Variants in FBLIM1 observed in about 807,000 individuals in gnomAD.
The protein encoded by FBLIM1 is filamin-binding LIM protein 1.
FBLIM1 carries 29 observed loss-of-function variants against 37.4 expected under a neutral mutation model. The observed-to-expected ratio is 0.77, with a 90% CI of 0.58 to 1.06. The LOEUF is 1.06. Among genes scored for constraint, FBLIM1 ranks in the 50% least tolerant of loss-of-function variants. The probability of loss-of-function intolerance (pLI) is 0.00; values close to 1 mark genes in which losing one functional copy is unlikely to be tolerated. For synonymous variants in FBLIM1, 193 were observed against 199.0 expected (o/e 0.97, Z 0.25); for missense variants, 449 against 505.6 (o/e 0.89, Z 1.07).
chr1:15,784,916 T>A lies in FBLIM1; in HGVS notation c.*255T>A, dbSNP rs948599137. ...GAATTCCCTGCTGACCCTGCCCCAC[T>A]TCCAGGGAAAAGCTGGGGGAGGTTG... On this transcript the variant is annotated 3_prime_UTR_variant, in exon 9 of 9. Transcript: ENST00000375766. The A allele has an allele frequency of 8.1e-6, 3 of 368,994 alleles. No homozygotes were observed. The highest frequency in any genetic ancestry group is 1.5e-5 in the Non-Finnish European group (3 of 201,944). The allele number at this position is 368,994 out of a possible 1,614,324, so 22.9% of individuals were successfully genotyped here. A position where few individuals can be genotyped will look rare whatever the true frequency, so the allele number is the denominator to read the frequency against.
intron 5 of FBLIM1, among the ~76,000 whole-genome samples, chr1:15,769,198 T>C (rs2069079999): frequency 6.6e-6 from 1 of 152,206 alleles, no homozygotes. Flanking sequence ...GGCTCCTGGC[T>C]GAGCGTGGTG....
At chr1:15,783,868 C>T (rs1269986114) in intron 8 of FBLIM1, among the ~76,000 whole-genome samples, 2 of 152,146 alleles carry the variant, frequency 1.3e-5, no homozygotes, top group Non-Finnish European at 2.9e-5. Flanking sequence ...AGGCGTGAAC[C>T]ACCGCGCCCG....
chr1:15,764,805 C>T, intron 2 of FBLIM1, 120 bp downstream of exon 2: 1 of 904,690 alleles, frequency 1.1e-6, no homozygotes, highest in Non-Finnish European at 1.7e-6. Context: ...AGCAGGACAC[C>T]CCCACCCCTT....
At chr1:15,784,519 C>A in intron 8 of FBLIM1, 29 bp from the exon 9 acceptor site, 1 of 1,590,462 alleles carries the variant, frequency 6.3e-7, no homozygotes, top group Non-Finnish European at 8.6e-7. Flanking sequence ...AGGCCCAGGG[C>A]GGGTCAGCAT....
At chr1:15,773,564 C>T (rs1331156677) in intron 6 of FBLIM1, among the ~76,000 whole-genome samples, 6 of 151,438 alleles carry the variant, frequency 4.0e-5, no homozygotes, top group African/African-American at 1.5e-4. Context: ...CCTGTAATCC[C>T]ACCTACTCGG....
chr1:15,782,347 G>A (rs1569879286), intron 8 of FBLIM1, among the ~76,000 whole-genome samples: 1 of 151,398 alleles, frequency 6.6e-6, no homozygotes, highest in Non-Finnish European at 1.5e-5. Context: ...GGTGGAGGCT[G>A]CAGTGAGCCA....
At chr1:15,761,091 G>A (rs931382155) in intron 1 of FBLIM1, among the ~76,000 whole-genome samples, 24 of 152,118 alleles carry the variant, frequency 1.6e-4, no homozygotes, top group African/African-American at 5.1e-4. Context: ...AGGCAGATCC[G>A]ACTTCCCGGA....
intron 7 of FBLIM1, among the ~76,000 whole-genome samples, chr1:15,776,420 A>G (rs1332407756): frequency 6.6e-6 from 1 of 152,064 alleles, no homozygotes; most frequent in Non-Finnish European, 1.5e-5. Flanking sequence ...CAAGGACCTG[A>G]CTTTGGGGCC....
In FBLIM1 at chr1:15,784,599, C is replaced by T. The variant is rs1177140154; in HGVS notation, c.1060C>T (p.Leu354=). Residue 354 remains leucine (L), a synonymous_variant, in exon 9 of 9, where the codon CTG becomes TTG. Coordinates refer to ENST00000375766, the MANE Select transcript of FBLIM1 (RefSeq NM_017556.4). ...GCCCACGGACCAAGGCTGCTACCCC[C>T]TGAACAACCATCTCTTCTGCAAGCC... The part of the protein sequence containing the change: ...VEPTDQGCYP[L]NNHLFCKPCH... 1 of 1,614,170 alleles carries T rather than the reference C, an allele frequency of 6.2e-7. No individual in the cohort carries two copies. Among genetic ancestry groups the T allele is most frequent in the Non-Finnish European group, 8.5e-7 (1 of 1,180,002 alleles).
chr1:15,765,378 G>C lies in FBLIM1; in HGVS notation c.250+145G>C, dbSNP rs2068866859. ...GGAAACAAAAAGATGTGCCCCTTCT[G>C]GGTGGGCAAGGGAGCCCGGGAAATA... On this transcript the variant is annotated intron_variant, in intron 3 of 8. Coordinates refer to ENST00000375766, the MANE Select transcript of FBLIM1 (RefSeq NM_017556.4). This position sits in a 1 kb window ranked among gnomAD's most constrained non-coding sequence, Gnocchi z 5.9. 1 of 1,149,496 alleles carries C rather than the reference G, an allele frequency of 8.7e-7. No homozygotes were observed. The highest frequency in any genetic ancestry group is 1.2e-6 in the Non-Finnish European group (1 of 833,152). 71.2% of individuals were successfully genotyped at this position (1,149,496 alleles called of 1,614,324 possible).
chr1:15,771,092 A>G (rs1015135222), intron 6 of FBLIM1, among the ~76,000 whole-genome samples: 1 of 151,910 alleles, frequency 6.6e-6, no homozygotes, highest in Non-Finnish European at 1.5e-5. Context: ...GGCACCTGAC[A>G]CCACACCCGG....
chr1:15,763,605 C>T (rs576396134), intron 1 of FBLIM1, among the ~76,000 whole-genome samples: 17 of 151,504 alleles, frequency 1.1e-4, no homozygotes, highest in Admixed American at 3.3e-4. Flanking sequence ...CACTGCACTC[C>T]GGCCTGGGCA....
intron 8 of FBLIM1, among the ~76,000 whole-genome samples, chr1:15,780,059 T>A (rs1021828461): frequency 1.1e-4 from 17 of 151,790 alleles, no homozygotes; most frequent in African/African-American, 3.6e-4. Context: ...TTTTTATTTT[T>A]AAAATTTTTG....
At chr1:15,774,440 A>C (rs2069388745) in intron 6 of FBLIM1, among the ~76,000 whole-genome samples, 178 bp from the exon 7 acceptor site, 1 of 152,248 alleles carries the variant, frequency 6.6e-6, no homozygotes, top group African/African-American at 2.4e-5. Flanking sequence ...ATGCAAGGCT[A>C]AGCTCAATTT....
Position 15,767,422 on chromosome 1 carries a change from T to C in FBLIM1, c.297T>C (p.Pro99=), listed in dbSNP as rs2068977703. The part of the protein sequence containing the change: ...PPVLDGEDVL[P]DLDLLPPPPP... Reference sequence around the variant, plus strand: ...TCCTGGATGGTGAGGACGTGCTTCCTGACCTGGACCTCCTCCCACCCCCTC... The same window carrying C: ...TCCTGGATGGTGAGGACGTGCTTCCCGACCTGGACCTCCTCCCACCCCCTC... The change falls in exon 4 of 9, where the codon CCT becomes CCC. Residue 99 remains proline (P), a synonymous_variant. Coordinates refer to ENST00000375766, the MANE Select transcript of FBLIM1 (RefSeq NM_017556.4). The C allele has an allele frequency of 6.4e-7, 1 of 1,560,620 alleles. No homozygotes were observed. Among genetic ancestry groups the C allele is most frequent in the Non-Finnish European group, 8.7e-7 (1 of 1,147,286 alleles).
intron 8 of FBLIM1, among the ~76,000 whole-genome samples, chr1:15,782,387 G>A (rs2069665721): frequency 6.7e-6 from 1 of 149,180 alleles, no homozygotes; most frequent in South Asian, 2.1e-4. Context: ...TAGCCTGGGT[G>A]ACAGAGTGAG....
At chr1:15,762,327 A>G (rs1368788678) in intron 1 of FBLIM1, among the ~76,000 whole-genome samples, 2 of 144,840 alleles carry the variant, frequency 1.4e-5, no homozygotes, top group African/African-American at 2.6e-5. Context: ...GTGGTGGTGC[A>G]ATCTCGGCTT....
In FBLIM1 at chr1:15,785,745, C is replaced by T. The variant is rs2069754071; in HGVS notation, c.*1084C>T. On this transcript the variant is annotated 3_prime_UTR_variant, in exon 9 of 9. Coordinates refer to ENST00000375766, the MANE Select transcript of FBLIM1 (RefSeq NM_017556.4). ...AACACCCCCTTGGTTCGCACATGTA[C>T]AGGAATGGGACCCAGTTGGGGCACA... The T allele has an allele frequency of 6.6e-6, 1 of 152,254 alleles. No homozygotes were observed. The highest frequency in any genetic ancestry group is 2.4e-5 in the African/African-American group (1 of 41,462). The allele number at this position is 152,254 out of a possible 1,614,324, so 9.4% of individuals were successfully genotyped here.
chr1:15,765,139 C>A lies in FBLIM1; in HGVS notation c.156C>A (p.Pro52=). The change falls in exon 3 of 9, where the codon CCC becomes CCA. Residue 52 remains proline, a synonymous_variant. Transcript: ENST00000375766. This position sits in a 1 kb window ranked among gnomAD's most constrained non-coding sequence, Gnocchi z 5.9. ...PWEAPAPMKT[P]EAGLAGRPSP... ...AGGCTCCTGCCCCCATGAAGACACC[C>A]GAGGCTGGCTTGGCGGGGAGGCCCA... 6.2e-7 allele frequency: 1 copy of A among 1,613,848 alleles called. No homozygotes were observed.
Sources: gnomAD v4.1 joint callset for allele counts (sites outside exome capture counted in the v4.1 genomes callset) on GRCh38, gnomAD v4.1.1 for gene constraint, Gnocchi (gnomAD v3.1) non-coding constraint, MANE v1.5 for transcripts, NCBI Gene and HGNC (gene_info 2026-07-23, HGNC 2026-07-21) for gene names.